The following CAND1 variants were observed in gnomAD, a reference collection of about 807,000 sequenced individuals.
CAND1 encodes the protein cullin associated and neddylation dissociated 1, also known as cullin-associated NEDD8-dissociated protein 1.
CAND1 carries 7 observed loss-of-function variants against 108.5 expected under a neutral mutation model. That is an observed-to-expected ratio of 0.06 (90% confidence interval 0.04 to 0.12). CAND1 has a LOEUF of 0.12. Among genes scored for constraint, CAND1 ranks in the 10% least tolerant of loss-of-function variants. The pLI, the probability that CAND1 is intolerant of heterozygous loss-of-function variation, is 1.00. For missense variants in CAND1, 941 were observed against 1,448.7 expected, an observed-to-expected ratio of 0.65 and a Z score of 5.69; for synonymous variants, 534 against 512.0, an observed-to-expected ratio of 1.04 and a Z score of -0.58.
At chr12:67,281,399 A>G (rs758343742) in intron 1 of CAND1, among the ~76,000 whole-genome samples, 2 of 152,160 alleles carry the variant, frequency 1.3e-5, no homozygotes, top group Non-Finnish European at 2.9e-5. Flanking sequence ...AATTTCCAGT[A>G]ATATGTGATC....
In CAND1 at chr12:67,316,145, A is replaced by T. The variant is rs2045005540; in HGVS notation, c.*3315A>T. 1 of 152,220 alleles carries T rather than the reference A, an allele frequency of 6.6e-6. No individual in the cohort carries two copies. Among genetic ancestry groups the T allele is most frequent in the Non-Finnish European group, 1.5e-5 (1 of 68,036 alleles). The allele number at this position is 152,220 out of a possible 1,614,324, so 9.4% of individuals were successfully genotyped here. A position where few individuals can be genotyped will look rare whatever the true frequency, so the allele number is the denominator to read the frequency against. Reference sequence around the variant, plus strand: ...AATTTTCAAACCACTGCTACCCCAGATTCATACCTGTTTTTGAAATCTTGT... The same window carrying T: ...AATTTTCAAACCACTGCTACCCCAGTTTCATACCTGTTTTTGAAATCTTGT... On this transcript the variant is annotated 3_prime_UTR_variant, in exon 15 of 15. Transcript: ENST00000545606.
Position 67,319,001 on chromosome 12 carries a change from A to T in CAND1, c.*6171A>T, listed in dbSNP as rs557317883. 6.6e-6 allele frequency: 1 copy of T among 152,214 alleles called. No individual in the cohort carries two copies. The allele number at this position is 152,214 out of a possible 1,614,324, so 9.4% of individuals were successfully genotyped here. A position where few individuals can be genotyped will look rare whatever the true frequency, so the allele number is the denominator to read the frequency against. The stretch of plus-strand genomic sequence containing the variant: ...TTATTAAAACAGATCGCTGGGCCCT[A>T]CACCCAGAGGCTGTGGTTCAGTAGG... On this transcript the variant is annotated 3_prime_UTR_variant, in exon 15 of 15. Transcript: ENST00000545606.
chr12:67,302,564 C>T lies in CAND1; in HGVS notation c.1242C>T (p.Asp414=). The change falls in exon 8 of 15, where the codon GAC becomes GAT. Residue 414 remains aspartate, a synonymous_variant. Transcript: ENST00000545606. ...QTRPVQSWLC[D]PDAMEQGETP... ...GTCCTGTACAAAGTTGGCTATGTGACCCTGATGCAATGGAGCAGGGAGAAA... is the reference window on the plus strand; with the variant it reads ...GTCCTGTACAAAGTTGGCTATGTGATCCTGATGCAATGGAGCAGGGAGAAA... The T allele has an allele frequency of 6.2e-7, 1 of 1,614,090 alleles. No homozygotes were observed. The highest frequency in any genetic ancestry group is 1.1e-5 in the South Asian group (1 of 91,084).
chr12:67,310,052 A>G lies in CAND1; in HGVS notation c.3177A>G (p.Arg1059=). 6.2e-7 allele frequency: 1 copy of G among 1,611,820 alleles called. No homozygotes were observed. The highest frequency in any genetic ancestry group is 8.5e-7 in the Non-Finnish European group (1 of 1,178,800). The change falls in exon 12 of 15, where the codon AGA becomes AGG. Residue 1059 remains arginine (R), a synonymous_variant. Transcript: ENST00000545606. ...LPHLYNETKV[R]KELIREVEMG... is the part of the protein sequence containing the mutation. ...ATCTTTACAATGAAACAAAAGTTAG[A>G]AAGGAGCTTATAAGAGAGGTAAGTT...
At position 67,305,795 on chromosome 12, in the gene CAND1, A is replaced by G; in HGVS notation, c.2127A>G (p.Ser709=). The part of the protein sequence containing the change: ...PLISESDMHV[S]QMAISFLTTL... ...TCAGCGAAAGTGATATGCATGTTTC[A>G]CAAATGGCCATCAGTTTTCTTACCA... is the stretch of plus-strand genomic sequence containing the variant. Residue 709 remains serine, a synonymous_variant, in exon 10 of 15, where the codon TCA becomes TCG. Transcript: ENST00000545606. This position sits in a 1 kb window ranked among gnomAD's most constrained non-coding sequence, Gnocchi z 4.4. The G allele has an allele frequency of 6.2e-7, 1 of 1,614,218 alleles. No homozygotes were observed. The highest frequency in any genetic ancestry group is 8.5e-7 in the Non-Finnish European group (1 of 1,180,036).
intron 1 of CAND1, among the ~76,000 whole-genome samples, chr12:67,278,365 C>T (rs1021839147): frequency 3.9e-5 from 6 of 152,074 alleles, no homozygotes; most frequent in Non-Finnish European, 8.8e-5. Flanking sequence ...CCATGTTGTC[C>T]AGGCTGGTTT....
intron 7 of CAND1, among the ~76,000 whole-genome samples, chr12:67,301,365 C>T (rs2136013360): frequency 2.0e-5 from 3 of 152,268 alleles, no homozygotes; most frequent in Admixed American, 2.0e-4. Context: ...AAAGTTACTA[C>T]TCCGCTCTAT....
At position 67,297,755 on chromosome 12, in the gene CAND1, C is replaced by T. The variant is rs775041796; in HGVS notation, c.756C>T (p.Tyr252=). Residue 252 remains tyrosine, a synonymous_variant, in exon 6 of 15, where the codon TAC becomes TAT. Coordinates refer to ENST00000545606, the MANE Select transcript of CAND1 (RefSeq NM_018448.5). ...SRQAGHRIGE[Y]LEKIIPLVVK... is the part of the protein sequence containing the mutation. The stretch of plus-strand genomic sequence containing the variant: ...CCATTATGCTTTTCTTAGGTGAATA[C>T]CTTGAGAAGATAATTCCTTTGGTGG... The T allele has an allele frequency of 1.7e-5, 27 of 1,603,020 alleles. No individual in the cohort carries two copies. The Admixed American group carries it at 3.7e-4, about 22-fold the overall frequency.
intron 2 of CAND1, among the ~76,000 whole-genome samples, chr12:67,286,941 TC>T (rs1326505922): frequency 1.3e-5 from 2 of 152,240 alleles, no homozygotes; most frequent in Admixed American, 6.5e-5. Context: ...TTTGGCATCT[TC>T]GTCAAAAAAT....
At chr12:67,308,380 A>T (rs1621634) in intron 11 of CAND1, among the ~76,000 whole-genome samples, 112,767 of 151,660 alleles carry the variant, frequency 0.74, 42,866 homozygotes, top group African/African-American at 0.9. Flanking sequence ...ATGAGAAACA[A>T]CTTATTGGCA....
intron 2 of CAND1, among the ~76,000 whole-genome samples, chr12:67,283,801 C>G (rs1335011449): frequency 6.6e-6 from 1 of 152,046 alleles, no homozygotes; most frequent in Non-Finnish European, 1.5e-5. Flanking sequence ...ACTTCTTAGT[C>G]ACTTTAGTAT....
chr12:67,278,693 A>G (rs750338266), intron 1 of CAND1, among the ~76,000 whole-genome samples: 5 of 151,460 alleles, frequency 3.3e-5, no homozygotes, highest in Non-Finnish European at 5.9e-5. Context: ...TAATTTTTGT[A>G]ATTTTAGTAG....
chr12:67,317,249 C>A lies in CAND1; in HGVS notation c.*4419C>A. On this transcript the variant is annotated 3_prime_UTR_variant, in exon 15 of 15. Coordinates refer to ENST00000545606, the MANE Select transcript of CAND1 (RefSeq NM_018448.5). ...TTCCTGGGCACAAGTGATTCTCCCA[C>A]CTCAGCCTCCCGAGTAGCTGGGAGT... 1 of 152,426 alleles carries A rather than the reference C, an allele frequency of 6.6e-6. No individual in the cohort carries two copies. The highest frequency in any genetic ancestry group is 1.9e-4 in the East Asian group (1 of 5,184). 9.4% of individuals were successfully genotyped at this position (152,426 alleles called of 1,614,324 possible). A position where few individuals can be genotyped will look rare whatever the true frequency, so the allele number is the denominator to read the frequency against.
At chr12:67,308,907 T>TA (rs1009106606) in intron 11 of CAND1, among the ~76,000 whole-genome samples, 1 of 151,936 alleles carries the variant, frequency 6.6e-6, no homozygotes, top group African/African-American at 2.4e-5. Flanking sequence ...TTTCCTCCCA[T>TA]ATTTTCAAAT....
At chr12:67,309,774 C>G in intron 11 of CAND1, 127 bp from the exon 12 acceptor site, 1 of 640,850 alleles carries the variant, frequency 1.6e-6, no homozygotes, top group Non-Finnish European at 2.6e-6. Flanking sequence ...AGGTTCTTCC[C>G]TGACCGTCAC....
rs564901025 is a variant in CAND1 at position 67,276,897 on chromosome 12, C to A, written c.69-5013C>A. Among the ~76,000 whole-genome samples, 61 of 152,294 alleles carry A rather than the reference C, an allele frequency of 4.0e-4. 1 individual carries two copies. The South Asian group carries it at 9.9e-3, about 25-fold the overall frequency. On this transcript the variant is annotated intron_variant, in intron 1 of 14. Coordinates refer to ENST00000545606, the MANE Select transcript of CAND1 (RefSeq NM_018448.5). The stretch of plus-strand genomic sequence containing the variant: ...GGACATTAATTTTTGATTTTCACAT[C>A]TTCACTATGGCGGAGATTTTGTTAA...
Position 67,306,271 on chromosome 12 carries a change from C to T in CAND1, c.2603C>T (p.Pro868Leu), listed in dbSNP as rs1181507108. Reference protein sequence around the residue: ...KSVILEAFSSPSEEVKSAASY... With the variant: ...KSVILEAFSSLSEEVKSAASY... ...GTAATACTAGAAGCTTTCTCATCTCCTAGTGAAGAAGTCAAATCAGCTGCA... is the reference window on the plus strand; with the variant it reads ...GTAATACTAGAAGCTTTCTCATCTCTTAGTGAAGAAGTCAAATCAGCTGCA... Residue 868 changes from proline to leucine, a missense_variant, in exon 10 of 15, where the codon CCT (proline) becomes CTT (leucine). By Grantham distance (98) the Pro-to-Leu change is moderately conservative (BLOSUM62 -3). Around this residue, in one of 9 missense-constraint regions of CAND1, gnomAD observed 697 missense variants for 942.0 expected, o/e 0.74. Transcript: ENST00000545606. The T allele has an allele frequency of 1.2e-6, 2 of 1,614,104 alleles. No individual in the cohort carries two copies. The highest frequency in any genetic ancestry group is 2.7e-5 in the African/African-American group (2 of 75,032).
At chr12:67,301,781 C>A (rs890475842) in intron 7 of CAND1, among the ~76,000 whole-genome samples, 1 of 152,164 alleles carries the variant, frequency 6.6e-6, no homozygotes, top group Non-Finnish European at 1.5e-5. Context: ...GCCTTGTAGT[C>A]ACAAAGCTGA....
chr12:67,290,153 C>T (rs2044709334), intron 2 of CAND1, among the ~76,000 whole-genome samples: 1 of 152,110 alleles, frequency 6.6e-6, no homozygotes, highest in Non-Finnish European at 1.5e-5. Context: ...TTGTTTTAGT[C>T]TCTGTTCTTT....
Sources: allele counts gnomAD v4.1 joint callset (sites outside exome capture counted in the v4.1 genomes callset), GRCh38; gene constraint gnomAD v4.1.1; regional missense constraint gnomAD v4.1.1; non-coding constraint Gnocchi (gnomAD v3.1); transcripts MANE v1.5; gene names NCBI Gene and HGNC (gene_info 2026-07-23, HGNC 2026-07-21).